Variants in ADRA1A observed in about 807,000 individuals in gnomAD.
ADRA1A encodes the protein adrenoceptor alpha 1A.
A neutral mutation model predicts 29.6 loss-of-function variants in ADRA1A; 31 were observed. That is an observed-to-expected ratio of 1.05 (90% CI 0.79 to 1.41). ADRA1A has a LOEUF of 1.41. Ranked by LOEUF, ADRA1A falls within the 40% of genes most tolerant of loss-of-function variation. The pLI is 0.00. For missense variants in ADRA1A, 619 were observed against 601.1 expected (o/e 1.03, Z -0.31); for synonymous variants, 311 against 254.3 (o/e 1.22, Z -2.12).
At chr8:26,859,274 A>T in intron 2 of ADRA1A, 1 of 1,044,022 alleles carries the variant, frequency 9.6e-7, no homozygotes, top group Non-Finnish European at 1.3e-6. Context: ...CATACTTAAG[A>T]CAGTTAATAA....
chr8:26,783,640 T>C (rs575381839), intron 2 of ADRA1A, among the ~76,000 whole-genome samples: 157 of 152,262 alleles, frequency 1.0e-3, no homozygotes, highest in African/African-American at 3.6e-3. Flanking sequence ...ACATGGGAAG[T>C]GGTAAAAATA....
rs1440780579 is a variant in ADRA1A, at chr8:26,791,915, A to G, written c.884-21249T>C. On this transcript the variant is annotated intron_variant, in intron 2 of 2. Coordinates refer to ENST00000380573, the MANE Select transcript of ADRA1A (RefSeq NM_000680.4). ...CTGTCCCTACTTCCCAATATCCCTA[A>G]CACCAGCCTCCCTATCACATCAGCC... Among the ~76,000 whole-genome samples, 3 of 152,128 alleles carry G rather than the reference A, an allele frequency of 2.0e-5. No homozygotes were observed. The South Asian group carries it at 6.2e-4, about 31-fold the overall frequency.
chr8:26,751,410 G>A, downstream of ADRA1A, among the ~76,000 whole-genome samples: 1 of 152,168 alleles, frequency 6.6e-6, no homozygotes, highest in East Asian at 1.9e-4. Context: ...AATAATAATA[G>A]GCTGGCAGGA....
At chr8:26,867,321 T>C (rs1813968883), upstream of ADRA1A, 1 of 985,242 alleles carries the variant, frequency 1.0e-6, no homozygotes, top group African/African-American at 1.7e-5. Flanking sequence ...GCTGCTACCG[T>C]ATTACTCTAC....
chr8:26,773,676 G>A (rs1585657548), intron 2 of ADRA1A, among the ~76,000 whole-genome samples: 1 of 152,194 alleles, frequency 6.6e-6, no homozygotes, highest in East Asian at 1.9e-4. Flanking sequence ...TGGTTTGAGA[G>A]TCTTGGAATT....
At chr8:26,804,094 A>T (rs865803873) in intron 2 of ADRA1A, among the ~76,000 whole-genome samples, 41 of 151,776 alleles carry the variant, frequency 2.7e-4, no homozygotes, top group Middle Eastern at 6.9e-3. Flanking sequence ...GTTAATTTTT[A>T]AATTTTTTTT....
At chr8:26,755,904 T>G (rs1250647150), downstream of ADRA1A, among the ~76,000 whole-genome samples, 2 of 152,264 alleles carry the variant, frequency 1.3e-5, no homozygotes, top group African/African-American at 4.8e-5. Flanking sequence ...GATTTTCATG[T>G]CTATGAATGT....
At chr8:26,749,947 G>A (rs1227855435) in intron 2 of ADRA1A, among the ~76,000 whole-genome samples, 1 of 152,118 alleles carries the variant, frequency 6.6e-6, no homozygotes, top group African/African-American at 2.4e-5. Context: ...TGGTTCATGG[G>A]GCTAGAGGCA....
downstream of ADRA1A, chr8:26,766,123 G>C (rs746068869): frequency 8.7e-6 from 14 of 1,612,818 alleles, no homozygotes; most frequent in Non-Finnish European, 1.2e-5. Flanking sequence ...TGCAATTCTT[G>C]GTGAAATATC....
In ADRA1A at chr8:26,855,051, G is replaced by A. The variant is rs143081500; in HGVS notation, c.883+9036C>T. 2.6e-5 allele frequency among the ~76,000 whole-genome samples: 4 copies of A among 152,306 alleles called. No homozygotes were observed. The East Asian group carries it at 7.7e-4, about 29-fold the overall frequency. On this transcript the variant is annotated intron_variant, in intron 2 of 2. Coordinates refer to ENST00000380573, the MANE Select transcript of ADRA1A (RefSeq NM_000680.4). ...AGACTTCCAGCCTCGAGGATTGTGA[G>A]AAATAAATTCCTGTTTACAAGCCAC...
chr8:26,804,112 G>C, intron 2 of ADRA1A, among the ~76,000 whole-genome samples: 1 of 151,788 alleles, frequency 6.6e-6, no homozygotes, highest in Admixed American at 6.6e-5. Context: ...TTTAGAGTCG[G>C]GGTCTTGCTA....
chr8:26,765,532 C>T (rs930356845), downstream of ADRA1A, among the ~76,000 whole-genome samples: 1 of 152,226 alleles, frequency 6.6e-6, no homozygotes, highest in Non-Finnish European at 1.5e-5. Flanking sequence ...AACAGTGTTC[C>T]AACTGGGCTC....
chr8:26,855,689 A>G (rs1297060733), intron 2 of ADRA1A, among the ~76,000 whole-genome samples: 2 of 152,216 alleles, frequency 1.3e-5, no homozygotes, highest in African/African-American at 4.8e-5. Flanking sequence ...TGGCACATGT[A>G]CACCTATGTA....
In ADRA1A at chr8:26,769,803, A is replaced by G. The variant is rs1332986321; in HGVS notation, c.*346T>C. The G allele has an allele frequency of 4.9e-6, 5 of 1,022,760 alleles. No homozygotes were observed. The Admixed American group carries it at 1.7e-4, about 34-fold the overall frequency. The allele number at this position is 1,022,760 out of a possible 1,614,324, so 63.4% of individuals were successfully genotyped here. A position where few individuals can be genotyped will look rare whatever the true frequency, so the allele number is the denominator to read the frequency against. Reference sequence around the variant, plus strand: ...TCCAAACTTAGAGTGTGTGCTCAAAATATTCATGATGAAATCATAATCCTA... The same window carrying G: ...TCCAAACTTAGAGTGTGTGCTCAAAGTATTCATGATGAAATCATAATCCTA... On this transcript the variant is annotated 3_prime_UTR_variant, in exon 3 of 3. Transcript: ENST00000380573.
chr8:26,820,698 T>C (rs760418208), intron 2 of ADRA1A, among the ~76,000 whole-genome samples: 1 of 152,240 alleles, frequency 6.6e-6, no homozygotes, highest in Non-Finnish European at 1.5e-5. Flanking sequence ...GCGAGCATTG[T>C]TAGACAGAAT....
intron 2 of ADRA1A, among the ~76,000 whole-genome samples, chr8:26,837,282 C>T (rs1265625926): frequency 6.6e-6 from 1 of 152,090 alleles, no homozygotes; most frequent in African/African-American, 2.4e-5. Context: ...AAGTGCGGTG[C>T]AGAGTCTATA....
chr8:26,756,425 C>T, exon 3 of ADRA1A: 2 of 1,374,790 alleles, frequency 1.5e-6, no homozygotes. Flanking sequence ...TGATGATTCT[C>T]AATTAACTTT....
intron 2 of ADRA1A, among the ~76,000 whole-genome samples, chr8:26,777,165 A>G (rs1297453180): frequency 6.6e-6 from 1 of 152,222 alleles, no homozygotes; most frequent in Non-Finnish European, 1.5e-5. Flanking sequence ...ATGTGGGGCC[A>G]CTTGGGCAGC....
At chr8:26,853,303 T>C (rs561725638) in intron 2 of ADRA1A, among the ~76,000 whole-genome samples, 9 of 152,308 alleles carry the variant, frequency 5.9e-5, no homozygotes, top group Admixed American at 5.2e-4. Context: ...TTCCAGGAGA[T>C]GTTAGCAGAT....
Sources: allele counts gnomAD v4.1 joint callset (sites outside exome capture counted in the v4.1 genomes callset), GRCh38; gene constraint gnomAD v4.1.1; transcripts MANE v1.5; gene names NCBI Gene and HGNC (gene_info 2026-07-23, HGNC 2026-07-21).